CNTN5: variants seen among roughly 807,000 people sequenced by gnomAD.
CNTN5 encodes contactin 5.
Under a neutral mutation model 129.1 loss-of-function variants are expected in CNTN5, and 77 were observed. That is an observed-to-expected ratio of 0.60 (90% CI 0.50 to 0.72). The LOEUF (loss-of-function observed/expected upper bound fraction) is 0.72. Among genes scored for constraint, CNTN5 ranks in the 30% least tolerant of loss-of-function variants. CNTN5 has a pLI of 0.00. For synonymous variants in CNTN5, 509 were observed against 465.6 expected (o/e 1.09, Z -1.20); for missense variants, 1,478 against 1,328.8 (o/e 1.11, Z -1.75).
chr11:99,047,334 A>C (rs1312179364), intron 1 of CNTN5, among the ~76,000 whole-genome samples: 2 of 151,390 alleles, frequency 1.3e-5, no homozygotes, highest in East Asian at 3.9e-4. Flanking sequence ...TAAAATTATC[A>C]GTATTGAGAA....
intron 1 of CNTN5, among the ~76,000 whole-genome samples, chr11:99,160,805 C>T (rs1485591584): frequency 1.3e-5 from 2 of 152,140 alleles, no homozygotes; most frequent in African/African-American, 4.8e-5. Context: ...GGAGAAGACA[C>T]AAGCAGTTAC....
intron 3 of CNTN5, among the ~76,000 whole-genome samples, chr11:99,581,917 G>A (rs1949613871): frequency 6.6e-6 from 1 of 152,120 alleles, no homozygotes; most frequent in Non-Finnish European, 1.5e-5. Context: ...TTGCTTCCTA[G>A]CCTTGATGGT....
chr11:99,921,466 A>G (rs67141779), intron 7 of CNTN5, among the ~76,000 whole-genome samples: 46,550 of 152,076 alleles, frequency 0.31, 8,297 homozygotes, highest in South Asian at 0.39. Flanking sequence ...ATATCACCTT[A>G]GTAAAACCTT....
intron 2 of CNTN5, among the ~76,000 whole-genome samples, chr11:99,390,847 A>T (rs1941222866): frequency 6.6e-6 from 1 of 152,164 alleles, no homozygotes. Flanking sequence ...TAGGCATTTA[A>T]TTATTAAGTA....
chr11:99,312,234 T>A (rs756921692), intron 1 of CNTN5, among the ~76,000 whole-genome samples: 1 of 152,224 alleles, frequency 6.6e-6, no homozygotes, highest in Non-Finnish European at 1.5e-5. Flanking sequence ...CCTCAAATAT[T>A]GCAGTGGAGT....
At chr11:99,914,308 G>A (rs1949734269) in intron 6 of CNTN5, among the ~76,000 whole-genome samples, 1 of 151,924 alleles carries the variant, frequency 6.6e-6, no homozygotes, top group South Asian at 2.1e-4. Context: ...TAAAGTAAAA[G>A]GAAGTCAAAT....
At position 99,636,365 on chromosome 11, in the gene CNTN5, A is replaced by G. The variant is rs11220761; in HGVS notation, c.55+80096A>G. 4.6e-3 allele frequency among the ~76,000 whole-genome samples: 555 copies of G among 119,430 alleles called. 5 individuals are homozygous for G. Among genetic ancestry groups the G allele is most frequent in the Non-Finnish European group, 6.6e-3 (380 of 57,676 alleles). The allele number at this position is 119,430 out of a possible 152,430, so 78.4% of individuals were successfully genotyped here. A position where few individuals can be genotyped will look rare whatever the true frequency, so the allele number is the denominator to read the frequency against. ...AGCATAGAGGAAAGTTGTTAATCAA[A>G]TGAGTTCTTTTTTTTTTTCTTTTTT... On this transcript the variant is annotated intron_variant, in intron 3 of 24. Transcript: ENST00000524871.
chr11:100,079,519 G>A (rs1944275990), intron 13 of CNTN5, among the ~76,000 whole-genome samples: 1 of 152,010 alleles, frequency 6.6e-6, no homozygotes, highest in Admixed American at 6.6e-5. Context: ...AATGTCTTTG[G>A]AATAGGTTCC....
At chr11:99,358,228 A>G (rs1288008733) in intron 2 of CNTN5, among the ~76,000 whole-genome samples, 1 of 98,634 alleles carries the variant, frequency 1.0e-5, no homozygotes, top group African/African-American at 3.7e-5. Context: ...AGCTGGGACT[A>G]CAGGCGCCCG....
At chr11:99,602,035 A>G (rs1950327637) in intron 3 of CNTN5, among the ~76,000 whole-genome samples, 1 of 152,166 alleles carries the variant, frequency 6.6e-6, no homozygotes, top group African/African-American at 2.4e-5. Context: ...TTACATATAC[A>G]GAGATATGCA....
intron 1 of CNTN5, among the ~76,000 whole-genome samples, chr11:99,137,240 G>T (rs1477336071): frequency 6.6e-6 from 1 of 152,136 alleles, no homozygotes; most frequent in Non-Finnish European, 1.5e-5. Context: ...TAACATCTCA[G>T]TCGGACATTC....
intron 1 of CNTN5, among the ~76,000 whole-genome samples, chr11:99,038,462 T>C (rs1159915789): frequency 6.6e-6 from 1 of 152,148 alleles, no homozygotes; most frequent in Non-Finnish European, 1.5e-5. Flanking sequence ...CTAGCTATTA[T>C]AAACTATACA....
chr11:99,566,005 G>C (rs1948993675), intron 3 of CNTN5, among the ~76,000 whole-genome samples: 1 of 152,132 alleles, frequency 6.6e-6, no homozygotes, highest in South Asian at 2.1e-4. Context: ...ATAATTATCT[G>C]AAATTGTTTT....
At chr11:99,390,131 C>CTT (rs11396242) in intron 2 of CNTN5, among the ~76,000 whole-genome samples, 3,878 of 149,116 alleles carry the variant, frequency 0.026, 247 homozygotes, top group East Asian at 0.2. Context: ...TAAAATAAGC[C>CTT]TTTTTTTTTT....
At chr11:99,944,310 A>G (rs1169193372) in intron 7 of CNTN5, among the ~76,000 whole-genome samples, 1 of 152,076 alleles carries the variant, frequency 6.6e-6, no homozygotes, top group Non-Finnish European at 1.5e-5. Flanking sequence ...AGCAGGAGAC[A>G]AGAAATAACT....
chr11:99,425,666 A>T (rs1286206095), intron 2 of CNTN5, among the ~76,000 whole-genome samples: 1 of 152,256 alleles, frequency 6.6e-6, no homozygotes, highest in Non-Finnish European at 1.5e-5. Flanking sequence ...GGGAGCAGAC[A>T]CTTAGGAGCT....
intron 2 of CNTN5, among the ~76,000 whole-genome samples, chr11:99,330,601 A>G (rs1379554383): frequency 6.6e-6 from 1 of 152,120 alleles, no homozygotes; most frequent in Non-Finnish European, 1.5e-5. Flanking sequence ...ATTCATGATG[A>G]GGTGCCACTC....
At chr11:99,121,408 C>G (rs557591089) in intron 1 of CNTN5, among the ~76,000 whole-genome samples, 1 of 152,172 alleles carries the variant, frequency 6.6e-6, no homozygotes, top group East Asian at 1.9e-4. Flanking sequence ...GCTGGGCTTA[C>G]AGGCATGAGC....
chr11:99,950,007 A>T (rs1015250290), intron 7 of CNTN5, among the ~76,000 whole-genome samples: 38 of 152,368 alleles, frequency 2.5e-4, no homozygotes, highest in Middle Eastern at 6.8e-3. Flanking sequence ...GGTAACAAAC[A>T]TAATGAAAAT....
Sources: gnomAD v4.1 joint callset for allele counts (sites outside exome capture counted in the v4.1 genomes callset) on GRCh38, gnomAD v4.1.1 for gene constraint, MANE v1.5 for transcripts, NCBI Gene and HGNC (gene_info 2026-07-23, HGNC 2026-07-21) for gene names.